Variants in ARHGEF38 observed in about 807,000 individuals in gnomAD.
ARHGEF38 encodes the protein Rho guanine nucleotide exchange factor (GEF) 38.
A neutral mutation model predicts 79.9 loss-of-function variants in ARHGEF38; 79 were observed. The ratio of observed to expected loss-of-function variants is 0.99; its 90% confidence interval spans 0.82 to 1.19. ARHGEF38 has a LOEUF of 1.19. Ranked by LOEUF, ARHGEF38 falls within the 50% of genes most tolerant of loss-of-function variation. ARHGEF38 has a pLI of 0.00. For synonymous variants in ARHGEF38, 366 were observed against 328.3 expected (o/e 1.11, Z -1.24); for missense variants, 962 against 907.2 (o/e 1.06, Z -0.78).
chr4:105,589,210 A>G (rs373145648), intron 1 of ARHGEF38, 38 bp from the exon 2 acceptor site: 122 of 1,543,650 alleles, frequency 7.9e-5, no homozygotes, highest in Non-Finnish European at 1.0e-4. Context: ...AAGAAACCTC[A>G]GCAGAATGCC....
At chr4:105,643,258 C>T (rs760991637) in intron 5 of ARHGEF38, among the ~76,000 whole-genome samples, 1 of 151,804 alleles carries the variant, frequency 6.6e-6, no homozygotes, top group South Asian at 2.1e-4. Context: ...TCCCTCTTTC[C>T]GAGTCTCTCT....
At chr4:105,653,463 C>T (rs1174583097) in intron 7 of ARHGEF38, among the ~76,000 whole-genome samples, 1 of 152,016 alleles carries the variant, frequency 6.6e-6, no homozygotes, top group Admixed American at 6.6e-5. Context: ...TCTGGGACTA[C>T]AGGTGCACAC....
Position 105,588,920 on chromosome 4 carries a change from G to A in ARHGEF38, c.197-328G>A, listed in dbSNP as rs148032793. Among the ~76,000 whole-genome samples the A allele has an allele frequency of 2.5e-3, 377 of 152,300 alleles. 4 individuals carry two copies. The highest frequency in any genetic ancestry group is 8.5e-3 in the African/African-American group (352 of 41,566). On this transcript the variant is annotated intron_variant, in intron 1 of 13. Transcript: ENST00000420470. ...CTTCCCTTGATTTAAAAGCAAATGT[G>A]AACGGAAGTTGTGAACTGTTTTTTT...
chr4:105,607,864 G>A (rs1728118942), intron 2 of ARHGEF38, among the ~76,000 whole-genome samples: 1 of 151,986 alleles, frequency 6.6e-6, no homozygotes, highest in South Asian at 2.1e-4. Flanking sequence ...TTGCCACCAG[G>A]CTTAGCTTTC....
chr4:105,579,860 C>T (rs989296505), intron 1 of ARHGEF38, among the ~76,000 whole-genome samples: 1 of 152,138 alleles, frequency 6.6e-6, no homozygotes. Context: ...CCCTCTGGTA[C>T]TGAGCTTCTT....
At chr4:105,668,061 C>A (rs1730818565) in intron 13 of ARHGEF38, among the ~76,000 whole-genome samples, 1 of 152,060 alleles carries the variant, frequency 6.6e-6, no homozygotes, top group South Asian at 2.1e-4. Flanking sequence ...TTGCTGCCAT[C>A]AATAGCACAT....
At chr4:105,660,533 G>T (rs1027845914) in intron 10 of ARHGEF38, among the ~76,000 whole-genome samples, 2 of 151,554 alleles carry the variant, frequency 1.3e-5, no homozygotes, top group Non-Finnish European at 2.9e-5. Flanking sequence ...TCCACCTTCC[G>T]GGTTCAAGCG....
chr4:105,654,048 T>G lies in ARHGEF38; in HGVS notation c.1009-17T>G. On this transcript the variant is annotated splice_polypyrimidine_tract_variant and intron_variant, in intron 7 of 13. Transcript: ENST00000420470. ...TGTTTCATTTGAGTTATGAAAATAA[T>G]TTCATATATATTTTAGGTTAAAGAC... The G allele has an allele frequency of 1.5e-6, 2 of 1,334,078 alleles. No individual in the cohort carries two copies. Among genetic ancestry groups the G allele is most frequent in the Non-Finnish European group, 2.0e-6 (2 of 989,264 alleles). 82.6% of individuals were successfully genotyped at this position (1,334,078 alleles called of 1,614,324 possible).
intron 1 of ARHGEF38, among the ~76,000 whole-genome samples, chr4:105,573,465 C>G (rs1360897811): frequency 6.6e-6 from 1 of 152,148 alleles, no homozygotes; most frequent in Non-Finnish European, 1.5e-5. Context: ...ATTTTCCCGG[C>G]ACCATTTGTT....
chr4:105,597,640 G>A (rs1429145328), intron 2 of ARHGEF38, among the ~76,000 whole-genome samples: 1 of 152,186 alleles, frequency 6.6e-6, no homozygotes, highest in East Asian at 1.9e-4. Context: ...ACTCAGTGGA[G>A]TTAAGGTATT....
intron 1 of ARHGEF38, among the ~76,000 whole-genome samples, chr4:105,588,310 A>G (rs964714142): frequency 6.6e-6 from 1 of 152,238 alleles, no homozygotes; most frequent in African/African-American, 2.4e-5. Context: ...ACTTTAAATG[A>G]AATATAATTA....
At chr4:105,645,141 A>G in intron 5 of ARHGEF38, 47 bp from the exon 6 acceptor site, 1 of 1,217,228 alleles carries the variant, frequency 8.2e-7, no homozygotes, top group Non-Finnish European at 1.1e-6. Context: ...AAAATGTGTT[A>G]ATAAAACATA....
chr4:105,659,719 ATG>A (rs1429208279), intron 10 of ARHGEF38, among the ~76,000 whole-genome samples: 4 of 152,142 alleles, frequency 2.6e-5, no homozygotes, highest in African/African-American at 9.7e-5. Flanking sequence ...TAGTTCTTAG[ATG>A]TTAACTGTGA....
At chr4:105,585,726 C>CTTTTTTTTGTTTTTTTT (rs1727004585) in intron 1 of ARHGEF38, among the ~76,000 whole-genome samples, 1 of 71,504 alleles carries the variant, frequency 1.4e-5, no homozygotes, top group Admixed American at 2.6e-4. Context: ...CCCTCCGTTG[C>CTTTTTTTTGTTTTTTTT]TTTTTTTTTT....
intron 4 of ARHGEF38, among the ~76,000 whole-genome samples, chr4:105,634,932 G>C (rs1477885476): frequency 6.6e-6 from 1 of 152,046 alleles, no homozygotes; most frequent in African/African-American, 2.4e-5. Context: ...AAAATCCAAA[G>C]GAATACATTT....
Position 105,667,734 on chromosome 4 carries a change from T to C in ARHGEF38, c.2148+31T>C, listed in dbSNP as rs1407280625. 12 of 1,534,962 alleles carry C rather than the reference T, an allele frequency of 7.8e-6. No homozygotes were observed. The South Asian group carries it at 1.3e-4, about 17-fold the overall frequency. ...AATTTGATGTAAAAATATGTGGTTG[T>C]TCAAATCATGAAAGAGTATCTCTCT... On this transcript the variant is annotated intron_variant, in intron 13 of 13. Coordinates refer to ENST00000420470, the MANE Select transcript of ARHGEF38 (RefSeq NM_001242729.2).
intron 1 of ARHGEF38, among the ~76,000 whole-genome samples, chr4:105,581,036 A>C (rs530825856): frequency 2.0e-5 from 3 of 152,236 alleles, no homozygotes; most frequent in African/African-American, 7.2e-5. Flanking sequence ...TAGAGACTGT[A>C]AGGAAGAAGC....
intron 13 of ARHGEF38, among the ~76,000 whole-genome samples, chr4:105,668,268 G>A (rs535935937): frequency 2.9e-4 from 44 of 151,608 alleles, no homozygotes; most frequent in African/African-American, 8.7e-4. Flanking sequence ...TGCAACCTCC[G>A]CCTCCCAGGT....
intron 6 of ARHGEF38, among the ~76,000 whole-genome samples, chr4:105,645,875 G>A (rs1456413392): frequency 2.6e-5 from 4 of 152,208 alleles, no homozygotes; most frequent in Non-Finnish European, 4.4e-5. Flanking sequence ...CTACTGATGT[G>A]AGCAAGTATA....
Sources: gnomAD v4.1 joint callset for allele counts (sites outside exome capture counted in the v4.1 genomes callset) on GRCh38, gnomAD v4.1.1 for gene constraint, MANE v1.5 for transcripts, NCBI Gene and HGNC (gene_info 2026-07-23, HGNC 2026-07-21) for gene names.